Variants in SND1 observed in about 807,000 individuals in gnomAD.
The protein encoded by SND1 is staphylococcal nuclease and tudor domain containing 1.
SND1 carries 38 observed loss-of-function variants against 121.7 expected under a neutral mutation model. That is an observed-to-expected ratio of 0.31 (90% CI 0.24 to 0.41). The LOEUF (loss-of-function observed/expected upper bound fraction) is 0.41. Among genes scored for constraint, SND1 ranks in the 10% least tolerant of loss-of-function variants. The probability of loss-of-function intolerance (pLI) is 1.00; values close to 1 mark genes in which losing one functional copy is unlikely to be tolerated. For synonymous variants in SND1, 401 were observed against 447.4 expected, an observed-to-expected ratio of 0.90 and a Z score of 1.31; for missense variants, 868 against 1,184.6, an observed-to-expected ratio of 0.73 and a Z score of 3.92.
intron 14 of SND1, among the ~76,000 whole-genome samples, chr7:127,918,033 C>A (rs1800621511): frequency 6.7e-6 from 1 of 150,070 alleles, no homozygotes; most frequent in Non-Finnish European, 1.5e-5. Context: ...CTAGGCAAAG[C>A]TTAATCGGCC....
chr7:127,825,367 C>G (rs1447204352), intron 11 of SND1, among the ~76,000 whole-genome samples: 2 of 151,532 alleles, frequency 1.3e-5, no homozygotes, highest in East Asian at 3.9e-4. Flanking sequence ...CCTTGGCCTC[C>G]CAAAGTGCTG....
intron 15 of SND1, among the ~76,000 whole-genome samples, chr7:127,940,062 C>A (rs958966652): frequency 3.3e-5 from 5 of 152,136 alleles, no homozygotes; most frequent in African/African-American, 1.2e-4. Context: ...CTAGGTGTTC[C>A]TTTTCGGGCC....
chr7:127,826,353 G>A (rs1000483975), intron 11 of SND1, among the ~76,000 whole-genome samples: 2 of 151,878 alleles, frequency 1.3e-5, no homozygotes, highest in African/African-American at 2.4e-5. Context: ...CTATGGTGAT[G>A]TGGTTTTATT....
chr7:127,837,725 CT>C (rs1434313883), intron 11 of SND1, among the ~76,000 whole-genome samples: 1 of 152,126 alleles, frequency 6.6e-6, no homozygotes, highest in African/African-American at 2.4e-5. Flanking sequence ...ATATGTATCA[CT>C]TTTATAAGTT....
At chr7:127,803,268 C>T (rs1352135606) in intron 10 of SND1, among the ~76,000 whole-genome samples, 3 of 152,138 alleles carry the variant, frequency 2.0e-5, no homozygotes, top group African/African-American at 7.2e-5. Context: ...GTGCGGCCTG[C>T]CCTGATATTA....
intron 12 of SND1, among the ~76,000 whole-genome samples, chr7:127,863,620 AC>A (rs1283982711): frequency 1.3e-5 from 2 of 152,210 alleles, no homozygotes; most frequent in African/African-American, 2.4e-5. Flanking sequence ...TTACACAGAT[AC>A]AGTAATTATT....
At chr7:127,905,637 G>T (rs1180229739) in intron 14 of SND1, among the ~76,000 whole-genome samples, 2 of 152,106 alleles carry the variant, frequency 1.3e-5, no homozygotes, top group Non-Finnish European at 2.9e-5. Flanking sequence ...TGGCCGAGGG[G>T]ATAGTGAGTG....
intron 9 of SND1, among the ~76,000 whole-genome samples, chr7:127,715,464 C>T (rs1486472853): frequency 6.6e-6 from 1 of 152,094 alleles, no homozygotes; most frequent in Admixed American, 6.5e-5. Flanking sequence ...AGCCCTGGTC[C>T]CCTCCCTTAC....
chr7:127,867,890 A>G (rs1269419157), intron 12 of SND1, among the ~76,000 whole-genome samples: 6 of 105,996 alleles, frequency 5.7e-5, no homozygotes, highest in Non-Finnish European at 7.8e-5. Flanking sequence ...GTTCTCATTC[A>G]CCATTCCTTT....
At chr7:127,888,100 G>A (rs1799944947) in intron 13 of SND1, 88 bp downstream of exon 13, 1 of 735,980 alleles carries the variant, frequency 1.4e-6, no homozygotes, top group African/African-American at 1.8e-5. Context: ...AGCAGAATGT[G>A]TTGGAAAATA....
At chr7:127,809,710 G>T (rs1241679544) in intron 11 of SND1, among the ~76,000 whole-genome samples, 1 of 152,184 alleles carries the variant, frequency 6.6e-6, no homozygotes, top group Non-Finnish European at 1.5e-5. Flanking sequence ...CATCTTCTCT[G>T]CCTAGACTAT....
At chr7:127,911,508 C>CCT (rs1346918999) in intron 14 of SND1, among the ~76,000 whole-genome samples, 1 of 151,682 alleles carries the variant, frequency 6.6e-6, no homozygotes, top group Admixed American at 6.6e-5. Flanking sequence ...CCATGGCTGG[C>CCT]CTCTTTTCTC....
At chr7:128,073,070 G>A (rs1793441375) in intron 16 of SND1, among the ~76,000 whole-genome samples, 1 of 152,180 alleles carries the variant, frequency 6.6e-6, no homozygotes, top group African/African-American at 2.4e-5. Flanking sequence ...TATGGCAGTG[G>A]AAGGAAGGGC....
intron 15 of SND1, among the ~76,000 whole-genome samples, chr7:127,938,033 A>G (rs1417637812): frequency 1.3e-5 from 2 of 152,212 alleles, no homozygotes; most frequent in African/African-American, 4.8e-5. Flanking sequence ...GGATATTTGT[A>G]AAGTGGGGTA....
intron 15 of SND1, among the ~76,000 whole-genome samples, chr7:127,956,812 GTTTAT>G (rs1584694048): frequency 6.6e-6 from 1 of 152,162 alleles, no homozygotes; most frequent in African/African-American, 2.4e-5. Flanking sequence ...ACTATCTCTT[GTTTAT>G]TTTATTAGAT....
At chr7:127,981,165 A>C (rs1424168086) in intron 15 of SND1, among the ~76,000 whole-genome samples, 1 of 152,166 alleles carries the variant, frequency 6.6e-6, no homozygotes, top group Non-Finnish European at 1.5e-5. Context: ...CTTGTCATTC[A>C]GAACACTGCA....
intron 10 of SND1, among the ~76,000 whole-genome samples, chr7:127,733,314 C>T (rs536258994): frequency 6.6e-6 from 1 of 152,248 alleles, no homozygotes; most frequent in East Asian, 1.9e-4. Flanking sequence ...GATCTTAATG[C>T]AGTAGAGGAC....
chr7:127,890,523 A>G (rs900287626), intron 13 of SND1, among the ~76,000 whole-genome samples: 1 of 152,132 alleles, frequency 6.6e-6, no homozygotes, highest in African/African-American at 2.4e-5. Context: ...TTTCCAGAGT[A>G]GCAGGAGCCC....
chr7:127,773,354 A>C (rs1366188095), intron 10 of SND1, among the ~76,000 whole-genome samples: 2 of 151,976 alleles, frequency 1.3e-5, no homozygotes, highest in Non-Finnish European at 2.9e-5. Flanking sequence ...CAGGAGGCTG[A>C]GGTAGAGGAA....
Sources: gnomAD v4.1 joint callset for allele counts (sites outside exome capture counted in the v4.1 genomes callset) on GRCh38, gnomAD v4.1.1 for gene constraint, MANE v1.5 for transcripts, NCBI Gene and HGNC (gene_info 2026-07-23, HGNC 2026-07-21) for gene names.